The following LIX1 variants were observed in gnomAD, a reference collection of about 807,000 sequenced individuals.
LIX1 encodes the protein protein limb expression 1 homolog.
A neutral mutation model predicts 33.4 loss-of-function variants in LIX1; 24 were observed. The observed-to-expected ratio is 0.72, with a 90% CI of 0.52 to 1.01. The LOEUF (loss-of-function observed/expected upper bound fraction) is 1.01. LIX1 is among the 50% of genes least tolerant of loss of function. The pLI is 0.00. For synonymous variants in LIX1, 124 were observed against 124.0 expected (o/e 1.00, Z 0.00); for missense variants, 311 against 339.2 (o/e 0.92, Z 0.65).
At chr5:97,108,124 C>G (rs1747163681) in intron 2 of LIX1, among the ~76,000 whole-genome samples, 1 of 152,224 alleles carries the variant, frequency 6.6e-6, no homozygotes, top group African/African-American at 2.4e-5. Context: ...TGAGAACAGG[C>G]CAGCCAGACA....
chr5:97,125,991 T>C (rs1033614452), intron 1 of LIX1, among the ~76,000 whole-genome samples: 1 of 152,176 alleles, frequency 6.6e-6, no homozygotes, highest in Admixed American at 6.5e-5. Flanking sequence ...TTTGACAACA[T>C]AGTTTGAGCT....
chr5:97,142,405 T>C (rs1186306007), intron 1 of LIX1, 90 bp downstream of exon 1: 1 of 872,706 alleles, frequency 1.1e-6, no homozygotes, highest in Non-Finnish European at 1.9e-6. Flanking sequence ...CTGCAGAGAT[T>C]TAGGAGAAAT....
At chr5:97,108,022 C>G (rs781098407) in intron 2 of LIX1, among the ~76,000 whole-genome samples, 1 of 152,168 alleles carries the variant, frequency 6.6e-6, no homozygotes, top group Non-Finnish European at 1.5e-5. Flanking sequence ...ATTTCCTCCT[C>G]TATAAAATGG....
chr5:97,124,478 A>G lies in LIX1; in HGVS notation c.234T>C (p.Phe78=), dbSNP rs1580239443. The G allele has an allele frequency of 6.2e-7, 1 of 1,602,572 alleles. No homozygotes were observed. Among genetic ancestry groups the G allele is most frequent in the East Asian group, 2.2e-5 (1 of 44,526 alleles). ...SYVTLPGGSC[F]GNFQCCLSRA... ...GGCTACTTCTTACCTGAAAGTTGCC[A>G]AAACAGCTTCCCCCTGGGAGGGTCA... Residue 78 remains phenylalanine (F), a synonymous_variant, in exon 2 of 6, where the codon TTT becomes TTC. Transcript: ENST00000274382.
intron 3 of LIX1, among the ~76,000 whole-genome samples, chr5:97,106,523 C>G (rs192179897): frequency 2.3e-4 from 35 of 152,346 alleles, no homozygotes; most frequent in African/African-American, 8.2e-4. Flanking sequence ...TGGGGTTTAT[C>G]CGTGCTAAAG....
intron 1 of LIX1, among the ~76,000 whole-genome samples, chr5:97,135,963 T>A (rs1443426139): frequency 6.6e-6 from 1 of 152,242 alleles, no homozygotes; most frequent in Non-Finnish European, 1.5e-5. Context: ...AGTGTAAATG[T>A]GGCTTTGTGT....
intron 1 of LIX1, among the ~76,000 whole-genome samples, chr5:97,135,137 C>T (rs1748146195): frequency 6.6e-6 from 1 of 152,192 alleles, no homozygotes; most frequent in East Asian, 1.9e-4. Context: ...CTCTGCAAAA[C>T]ATGCAAAAGG....
intron 2 of LIX1, among the ~76,000 whole-genome samples, chr5:97,109,838 A>G (rs1324251757): frequency 6.6e-6 from 1 of 152,028 alleles, no homozygotes; most frequent in African/African-American, 2.4e-5. Flanking sequence ...TGAAAACACA[A>G]TATTTGGTTT....
intron 2 of LIX1, among the ~76,000 whole-genome samples, chr5:97,120,122 A>G (rs947050306): frequency 6.6e-6 from 1 of 152,214 alleles, no homozygotes; most frequent in Non-Finnish European, 1.5e-5. Context: ...TCCATTTTCA[A>G]AACTTTAACC....
chr5:97,136,256 C>T (rs781707625), intron 1 of LIX1, among the ~76,000 whole-genome samples: 5 of 152,186 alleles, frequency 3.3e-5, no homozygotes, highest in Non-Finnish European at 5.9e-5. Context: ...GTCTTTAGAG[C>T]CCCGACTTTC....
intron 2 of LIX1, among the ~76,000 whole-genome samples, chr5:97,108,244 A>G (rs1747172297): frequency 6.6e-6 from 1 of 152,178 alleles, no homozygotes. Context: ...GATTTTCTTG[A>G]GGACTAGGAT....
chr5:97,121,718 C>T (rs1747789001), intron 2 of LIX1, among the ~76,000 whole-genome samples: 1 of 152,060 alleles, frequency 6.6e-6, no homozygotes, highest in South Asian at 2.1e-4. Context: ...TTGTTTTGTT[C>T]TTTTGTTTGC....
chr5:97,100,180 A>G (rs570619126), intron 4 of LIX1, among the ~76,000 whole-genome samples: 50 of 152,202 alleles, frequency 3.3e-4, no homozygotes, highest in African/African-American at 1.2e-3. Context: ...AGAATTCACA[A>G]CTCTTCTGTG....
intron 1 of LIX1, among the ~76,000 whole-genome samples, chr5:97,135,821 A>G (rs1010888165): frequency 6.6e-6 from 1 of 152,126 alleles, no homozygotes; most frequent in African/African-American, 2.4e-5. Flanking sequence ...TCTGTCTCAA[A>G]ATTAATAAAA....
chr5:97,094,803 G>A lies in LIX1; in HGVS notation c.794C>T (p.Thr265Ile). 1 of 1,614,218 alleles carries A rather than the reference G, an allele frequency of 6.2e-7. No individual in the cohort carries two copies. The highest frequency in any genetic ancestry group is 1.3e-5 in the African/African-American group (1 of 75,062). The change falls in exon 6 of 6, where the codon ACT (threonine) becomes ATT (isoleucine). Residue 265 changes from threonine (T) to isoleucine (I), a missense_variant. Thr to Ile is a moderately conservative substitution (Grantham distance 89, BLOSUM62 -1). Transcript: ENST00000274382. ...ALTQICSDPD[T>I]SSPSDDQLSL... is the part of the protein sequence containing the mutation. ...CAGCTGATCATCACTGGGTGAGGAA[G>A]TGTCAGGGTCACTGCAGATCTGAGT...
intron 1 of LIX1, among the ~76,000 whole-genome samples, chr5:97,134,852 G>A (rs1748139379): frequency 6.6e-6 from 1 of 152,118 alleles, no homozygotes; most frequent in Non-Finnish European, 1.5e-5. Context: ...GAATCTCGGG[G>A]CCCCTTTTTC....
chr5:97,120,390 C>G (rs1580236276), intron 2 of LIX1, among the ~76,000 whole-genome samples: 1 of 152,156 alleles, frequency 6.6e-6, no homozygotes, highest in Admixed American at 6.5e-5. Context: ...GGATACACAC[C>G]CCATCCCTGG....
chr5:97,101,646 G>C (rs930790814), intron 4 of LIX1: 3 of 152,110 alleles, frequency 2.0e-5, no homozygotes, highest in African/African-American at 4.8e-5. Flanking sequence ...GACAACAACG[G>C]GGCTCTGTCC....
At chr5:97,116,315 A>C (rs970616145) in intron 2 of LIX1, among the ~76,000 whole-genome samples, 50 of 152,302 alleles carry the variant, frequency 3.3e-4, no homozygotes, top group African/African-American at 1.2e-3. Flanking sequence ...GAAAAAGGGC[A>C]ACCGTTGGAA....
Sources: gnomAD v4.1 joint callset for allele counts (sites outside exome capture counted in the v4.1 genomes callset) on GRCh38, gnomAD v4.1.1 for gene constraint, MANE v1.5 for transcripts, NCBI Gene and HGNC (gene_info 2026-07-23, HGNC 2026-07-21) for gene names.